CYLD: variants seen among roughly 807,000 people sequenced by gnomAD.
The protein encoded by CYLD is ubiquitin carboxyl-terminal hydrolase CYLD.
A neutral mutation model predicts 104.5 loss-of-function variants in CYLD; 26 were observed. The ratio of observed to expected loss-of-function variants is 0.25; its 90% CI spans 0.18 to 0.35. The LOEUF is 0.35. CYLD is among the 10% of genes least tolerant of loss of function. The pLI, the probability that CYLD is intolerant of heterozygous loss-of-function variation, is 1.00. For missense variants in CYLD, 703 were observed against 1,136.1 expected, an observed-to-expected ratio of 0.62 and a Z score of 5.48; for synonymous variants, 385 against 399.9, an observed-to-expected ratio of 0.96 and a Z score of 0.45.
chr16:50,784,222 A>T, intron 11 of CYLD, 107 bp from the exon 12 acceptor site: 1 of 1,246,002 alleles, frequency 8.0e-7, no homozygotes, highest in Non-Finnish European at 1.2e-6. Context: ...TTGTTATGTT[A>T]TTTGTTCTCC....
intron 5 of CYLD, among the ~76,000 whole-genome samples, chr16:50,774,501 T>A (rs1272769275): frequency 1.3e-5 from 2 of 152,216 alleles, no homozygotes; most frequent in African/African-American, 2.4e-5. Context: ...AATAACAATA[T>A]GGCAACATCA....
rs1482042306 is a variant in CYLD, at chr16:50,755,142, CATATGTGTGT to C, written c.913+723_913+732del. ...ACATGTGTATATATACACACGTGTA[CATATGTGTGT>C]ATATACACACGTGTACATATGTGTG... On this transcript the variant is annotated intron_variant, in intron 5 of 18. Transcript: ENST00000427738. Among the ~76,000 whole-genome samples, 19 of 42,364 alleles carry C rather than the reference CATATGTGTGT, an allele frequency of 4.5e-4. 1 individual carries two copies. The highest frequency in any genetic ancestry group is 2.3e-3 in the African/African-American group (14 of 6,188). The allele number at this position is 42,364 out of a possible 152,430, so 27.8% of individuals were successfully genotyped here.
At chr16:50,759,806 G>C (rs1416175845) in intron 5 of CYLD, among the ~76,000 whole-genome samples, 1 of 152,262 alleles carries the variant, frequency 6.6e-6, no homozygotes, top group South Asian at 2.1e-4. Context: ...TTAAAAGTTT[G>C]TAGTTCCCTG....
chr16:50,766,309 T>C (rs1968512679), intron 5 of CYLD, among the ~76,000 whole-genome samples: 1 of 152,206 alleles, frequency 6.6e-6, no homozygotes, highest in Non-Finnish European at 1.5e-5. Context: ...CATGTGTTTA[T>C]AGCATGCTTA....
intron 8 of CYLD, 79 bp from the exon 9 acceptor site, chr16:50,779,586 T>G (rs1970011066): frequency 6.9e-7 from 1 of 1,448,028 alleles, no homozygotes; most frequent in African/African-American, 1.4e-5. Flanking sequence ...TTGGACTAGA[T>G]CTGTATATAA....
chr16:50,773,058 C>T (rs1969318711), intron 5 of CYLD, among the ~76,000 whole-genome samples: 2 of 152,202 alleles, frequency 1.3e-5, no homozygotes, highest in Non-Finnish European at 2.9e-5. Context: ...ATACCTCATT[C>T]TACTCAAGTA....
At chr16:50,749,379 T>C (rs1966448067) in intron 2 of CYLD, among the ~76,000 whole-genome samples, 197 bp from the exon 3 acceptor site, 1 of 152,250 alleles carries the variant, frequency 6.6e-6, no homozygotes, top group Non-Finnish European at 1.5e-5. Flanking sequence ...ACAGTTACAG[T>C]AGATAAAAGT....
intron 5 of CYLD, among the ~76,000 whole-genome samples, chr16:50,763,548 T>G (rs1968182712): frequency 6.6e-6 from 1 of 152,216 alleles, no homozygotes; most frequent in Non-Finnish European, 1.5e-5. Context: ...TATCTGACTT[T>G]TTTATTCTAG....
In CYLD at chr16:50,781,422, G is replaced by C. The variant is rs1970205109; in HGVS notation, c.1684+11G>C. 2 of 1,612,906 alleles carry C rather than the reference G, an allele frequency of 1.2e-6. No individual in the cohort carries two copies. The highest frequency in any genetic ancestry group is 3.3e-5 in the Admixed American group (2 of 59,990). On this transcript the variant is annotated intron_variant, in intron 10 of 18. Coordinates refer to ENST00000427738, the MANE Select transcript of CYLD (RefSeq NM_001378743.1). ...GCTGTAACTCTTTAGGTATTTGGAT[G>C]CTTTTTGTTTACTTAACAACCTGGA...
intron 18 of CYLD, 98 bp from the exon 19 acceptor site, chr16:50,796,226 C>T: frequency 5.7e-6 from 7 of 1,227,748 alleles, no homozygotes; most frequent in Non-Finnish European, 8.2e-6. Context: ...CTTTTAGAGC[C>T]TGAAATTAGC....
intron 5 of CYLD, among the ~76,000 whole-genome samples, chr16:50,768,306 C>T (rs1055612294): frequency 6.6e-6 from 1 of 152,038 alleles, no homozygotes; most frequent in Non-Finnish European, 1.5e-5. Flanking sequence ...TTAAATGAGT[C>T]TTCATCTGCC....
At chr16:50,790,483 T>C (rs746506826) in intron 14 of CYLD, among the ~76,000 whole-genome samples, 4 of 152,206 alleles carry the variant, frequency 2.6e-5, no homozygotes, top group Non-Finnish European at 5.9e-5. Flanking sequence ...TAATTTTCTA[T>C]GCTTTTTGGC....
Position 50,796,420 on chromosome 16 carries a change from C to T in CYLD, c.2783C>T (p.Ser928Phe). ...CTGGAAGACCTGCATTCCTTGGACT[C>T]CAGGAGAATCCAAGGCTGTGCACGA... ...MSLEDLHSLD[S>F]RRIQGCARRL... Residue 928 changes from serine (S) to phenylalanine (F), a missense_variant, in exon 19 of 19, where the codon TCC (serine) becomes TTC (phenylalanine). Ser to Phe is a radical substitution (Grantham distance 155, BLOSUM62 -2). Around this residue, in one of 5 missense-constraint regions of CYLD, gnomAD observed 130 missense variants for 220.2 expected, o/e 0.59. Coordinates refer to ENST00000427738, the MANE Select transcript of CYLD (RefSeq NM_001378743.1). 1 of 1,614,008 alleles carries T rather than the reference C, an allele frequency of 6.2e-7. No individual in the cohort carries two copies. The highest frequency in any genetic ancestry group is 8.5e-7 in the Non-Finnish European group (1 of 1,179,970).
At chr16:50,769,789 A>G (rs533747775) in intron 5 of CYLD, among the ~76,000 whole-genome samples, 33 of 152,190 alleles carry the variant, frequency 2.2e-4, no homozygotes, top group Admixed American at 1.1e-3. Flanking sequence ...TTACTGCCGC[A>G]CAAATTCCCT....
intron 14 of CYLD, among the ~76,000 whole-genome samples, chr16:50,790,706 C>T (rs1253589173): frequency 6.7e-6 from 1 of 149,908 alleles, no homozygotes; most frequent in East Asian, 1.9e-4. Context: ...CTCTGAATAG[C>T]TGAGTTTTTT....
chr16:50,743,695 T>TA (rs1380351534), intron 2 of CYLD, among the ~76,000 whole-genome samples: 1 of 152,212 alleles, frequency 6.6e-6, no homozygotes, highest in Non-Finnish European at 1.5e-5. Context: ...AAATTAGTTT[T>TA]TTTTTCATTG....
At chr16:50,771,026 A>G (rs1256959581) in intron 5 of CYLD, among the ~76,000 whole-genome samples, 1 of 152,138 alleles carries the variant, frequency 6.6e-6, no homozygotes, top group Non-Finnish European at 1.5e-5. Flanking sequence ...CAAGTTCGAC[A>G]ACTTTTGTTT....
chr16:50,774,374 A>C (rs938877812), intron 5 of CYLD, among the ~76,000 whole-genome samples: 1 of 152,204 alleles, frequency 6.6e-6, no homozygotes, highest in Admixed American at 6.5e-5. Context: ...GAAACTATGG[A>C]TAGTACTGAA....
chr16:50,787,117 A>C, intron 13 of CYLD, 171 bp downstream of exon 13: 1 of 640,040 alleles, frequency 1.6e-6, no homozygotes, highest in Non-Finnish European at 2.8e-6. Flanking sequence ...CCTCTCTTCT[A>C]AAAGTGATTG....
Sources: gnomAD v4.1 joint callset for allele counts (sites outside exome capture counted in the v4.1 genomes callset) on GRCh38, gnomAD v4.1.1 for gene constraint, gnomAD v4.1.1 regional missense constraint, MANE v1.5 for transcripts, NCBI Gene and HGNC (gene_info 2026-07-23, HGNC 2026-07-21) for gene names.